SPAG9: variants seen among roughly 807,000 people sequenced by gnomAD.
The protein encoded by SPAG9 is sperm associated antigen 9, also known as C-Jun-amino-terminal kinase-interacting protein 4.
SPAG9 carries 35 observed loss-of-function variants against 166.5 expected under a neutral mutation model. The ratio of observed to expected loss-of-function variants is 0.21; its 90% confidence interval spans 0.16 to 0.28. The LOEUF is 0.28. Among genes scored for constraint, SPAG9 ranks in the 10% least tolerant of loss-of-function variants. SPAG9 has a pLI of 1.00. For synonymous variants in SPAG9, 534 were observed against 565.5 expected (o/e 0.94, Z 0.79); for missense variants, 1,235 against 1,603.3 (o/e 0.77, Z 3.92).
chr17:51,000,723 T>A (rs180724668), intron 13 of SPAG9, among the ~76,000 whole-genome samples: 2 of 150,222 alleles, frequency 1.3e-5, no homozygotes, highest in African/African-American at 4.9e-5. Flanking sequence ...AGAGCAAGAC[T>A]CCATCACAAG....
At chr17:51,069,998 C>G (rs562456750) in intron 2 of SPAG9, among the ~76,000 whole-genome samples, 16 of 151,904 alleles carry the variant, frequency 1.1e-4, no homozygotes, top group Non-Finnish European at 1.5e-4. Context: ...GTGGCATGCA[C>G]CTGAGGTGGG....
intron 1 of SPAG9, among the ~76,000 whole-genome samples, chr17:51,095,835 GATAT>G (rs1259780996): frequency 1.4e-5 from 2 of 142,792 alleles, no homozygotes; most frequent in Non-Finnish European, 3.0e-5. Flanking sequence ...GAGATATAGA[GATAT>G]ATAGTGATAT....
At chr17:51,105,083 G>A (rs1374406050) in intron 1 of SPAG9, among the ~76,000 whole-genome samples, 3 of 151,960 alleles carry the variant, frequency 2.0e-5, no homozygotes, top group Admixed American at 6.6e-5. Context: ...GCGACTGAGC[G>A]AGACTCTGTC....
At chr17:51,051,495 A>C (rs2047183431) in intron 3 of SPAG9, among the ~76,000 whole-genome samples, 6 of 152,032 alleles carry the variant, frequency 3.9e-5, no homozygotes, top group Admixed American at 3.9e-4. Context: ...CGGGACGGGC[A>C]GATCACTTGA....
chr17:51,071,361 C>G (rs1203506887), intron 2 of SPAG9, among the ~76,000 whole-genome samples: 1 of 152,104 alleles, frequency 6.6e-6, no homozygotes, highest in Non-Finnish European at 1.5e-5. Context: ...TGAAAAGCAC[C>G]AAGGCTTTCT....
chr17:51,009,215 T>C (rs1013535431), intron 9 of SPAG9: 2 of 433,062 alleles, frequency 4.6e-6, no homozygotes, highest in Non-Finnish European at 9.1e-6. Flanking sequence ...AGAACTAAAC[T>C]CATTTACTTT....
chr17:51,037,664 TTTA>T (rs2046646593), intron 5 of SPAG9, among the ~76,000 whole-genome samples: 1 of 63,514 alleles, frequency 1.6e-5, no homozygotes, highest in African/African-American at 5.1e-5. Flanking sequence ...ATATATGTGT[TTTA>T]TATATATATA....
In SPAG9 at chr17:50,979,297, A is replaced by G. The variant is rs145620946; in HGVS notation, c.3409+449T>C. 3.0e-3 allele frequency among the ~76,000 whole-genome samples: 460 copies of G among 151,078 alleles called. 2 individuals carry two copies. Among genetic ancestry groups the G allele is most frequent in the African/African-American group, 0.011 (443 of 41,224 alleles). On this transcript the variant is annotated intron_variant, in intron 26 of 29. Transcript: ENST00000262013. ...TGAGGTGGGAGGATCACTTGAGCCC[A>G]GGAAGTCAAAGCTGCAGTGAGCCGT...
At chr17:50,977,307 C>CA in intron 26 of SPAG9, 86 bp from the exon 27 acceptor site, 3 of 774,842 alleles carry the variant, frequency 3.9e-6, no homozygotes, top group African/African-American at 1.8e-5. Context: ...AGCAGGATTA[C>CA]AAAACAAAAA....
intron 1 of SPAG9, among the ~76,000 whole-genome samples, chr17:51,110,179 G>A (rs2049066354): frequency 6.6e-6 from 1 of 152,088 alleles, no homozygotes; most frequent in South Asian, 2.1e-4. Flanking sequence ...AAATGGTTCA[G>A]CAATTAAATA....
intron 1 of SPAG9, among the ~76,000 whole-genome samples, chr17:51,119,942 G>A (rs562047785): frequency 2.6e-5 from 4 of 152,232 alleles, no homozygotes; most frequent in Non-Finnish European, 4.4e-5. Context: ...ACTAGCGGAA[G>A]TTACATATCC....
At chr17:51,074,725 T>C (rs1378014712) in intron 2 of SPAG9, among the ~76,000 whole-genome samples, 1 of 152,164 alleles carries the variant, frequency 6.6e-6, no homozygotes, top group Non-Finnish European at 1.5e-5. Flanking sequence ...ATAAAGTCTT[T>C]GAATTAAAAT....
intron 5 of SPAG9, among the ~76,000 whole-genome samples, chr17:51,034,088 A>G (rs572427961): frequency 5.3e-5 from 8 of 152,326 alleles, no homozygotes; most frequent in African/African-American, 1.7e-4. Context: ...TCCTAAAGTT[A>G]TCACATGAAG....
intron 6 of SPAG9, among the ~76,000 whole-genome samples, chr17:51,026,826 G>A (rs1219008581): frequency 1.3e-5 from 2 of 151,648 alleles, no homozygotes; most frequent in Non-Finnish European, 2.9e-5. Flanking sequence ...ACAGGCATGC[G>A]CCACCATGCC....
intron 16 of SPAG9, 134 bp from the exon 17 acceptor site, chr17:50,995,667 T>A: frequency 1.6e-6 from 1 of 630,420 alleles, no homozygotes; most frequent in African/African-American, 1.8e-5. Flanking sequence ...AGGTTTTTTG[T>A]TTTTTTGTTT....
chr17:50,972,001 A>G (rs1284857788), intron 28 of SPAG9, among the ~76,000 whole-genome samples: 1 of 151,198 alleles, frequency 6.6e-6, no homozygotes, highest in Non-Finnish European at 1.5e-5. Context: ...TCCTGACCTC[A>G]AGTGATCCAC....
intron 6 of SPAG9, among the ~76,000 whole-genome samples, chr17:51,022,055 G>A (rs1159246777): frequency 6.6e-5 from 10 of 150,912 alleles, no homozygotes; most frequent in African/African-American, 2.4e-4. Flanking sequence ...CCTGGGAGGC[G>A]GAGGTTGCAG....
chr17:51,031,711 A>G lies in SPAG9; in HGVS notation c.753T>C (p.Ser251=), dbSNP rs1348843074. ...RSHTSLKVSN[S]PEPQKAVEQE... The stretch of plus-strand genomic sequence containing the variant: ...GTTCTACAGCCTTCTGAGGTTCAGG[A>G]CTATTGCTGACCTAGGAAGAGGGAA... Residue 251 remains serine, a synonymous_variant, in exon 6 of 30, where the codon AGT becomes AGC. Coordinates refer to ENST00000262013, the MANE Select transcript of SPAG9 (RefSeq NM_001130528.3). The G allele has an allele frequency of 8.4e-6, 13 of 1,550,840 alleles. No individual in the cohort carries two copies.
chr17:51,095,687 GAT>G (rs895790025), intron 1 of SPAG9, among the ~76,000 whole-genome samples: 1 of 146,418 alleles, frequency 6.8e-6, no homozygotes. Context: ...TATATATAGT[GAT>G]ATATATATAG....
Sources: gnomAD v4.1 joint callset for allele counts (sites outside exome capture counted in the v4.1 genomes callset) on GRCh38, gnomAD v4.1.1 for gene constraint, MANE v1.5 for transcripts, NCBI Gene and HGNC (gene_info 2026-07-23, HGNC 2026-07-21) for gene names.